The following RTL4 variants were observed in gnomAD, a reference collection of about 807,000 sequenced individuals.
RTL4 encodes retrotransposon Gag-like protein 4.
A neutral mutation model predicts 5.3 loss-of-function variants in RTL4; 4 were observed. That is an observed-to-expected ratio of 0.75 (90% confidence interval 0.37 to 1.72). The LOEUF (loss-of-function observed/expected upper bound fraction) is 1.72, where lower values mean the gene tolerates loss of function less well. RTL4 is among the 40% of genes most tolerant of loss of function. The pLI is 0.04. For synonymous variants in RTL4, 98 were observed against 87.3 expected (o/e 1.12, Z -0.68); for missense variants, 260 against 227.1 (o/e 1.14, Z -0.93).
At chrX:112,279,407 T>C in the RTL4 span, among the ~76,000 whole-genome samples, 33 of 111,257 alleles carry the variant, frequency 3.0e-4, no homozygotes, top group Non-Finnish European at 4.9e-4. Flanking sequence ...CAAAAGAAAA[T>C]GGAGCCATGT....
At chrX:112,207,273 G>A in the RTL4 span, among the ~76,000 whole-genome samples, 3 of 111,457 alleles carry the variant, frequency 2.7e-5, no homozygotes, top group East Asian at 8.5e-4. Flanking sequence ...AGTTCCAGCT[G>A]CATTGTTTTT....
the RTL4 span, among the ~76,000 whole-genome samples, chrX:112,374,559 A>G: frequency 1.8e-5 from 2 of 112,218 alleles, no homozygotes; most frequent in African/African-American, 6.5e-5. Context: ...TCATTGATTT[A>G]TAGATCCATT....
the RTL4 span, among the ~76,000 whole-genome samples, chrX:112,392,976 A>G: frequency 9.1e-6 from 1 of 109,628 alleles, no homozygotes; most frequent in Non-Finnish European, 1.9e-5. Flanking sequence ...TCCTTCTGGG[A>G]GCTCTGTCCC....
the RTL4 span, among the ~76,000 whole-genome samples, chrX:112,208,768 A>G: frequency 1.8e-5 from 2 of 110,963 alleles, no homozygotes; most frequent in African/African-American, 6.8e-5. Flanking sequence ...CCTCAGGAGC[A>G]TAGTTCAACT....
the RTL4 span, among the ~76,000 whole-genome samples, chrX:112,430,270 T>A: frequency 9.0e-6 from 1 of 111,502 alleles, no homozygotes; most frequent in Non-Finnish European, 1.9e-5. Context: ...TTTTTTCAAA[T>A]TGAGAAGTTT....
chrX:112,184,511 C>T, the RTL4 span, among the ~76,000 whole-genome samples: 3 of 111,872 alleles, frequency 2.7e-5, no homozygotes, highest in South Asian at 1.1e-3. Flanking sequence ...ATTTCTAATG[C>T]CCTCACTCCC....
the RTL4 span, among the ~76,000 whole-genome samples, chrX:112,142,789 T>C: frequency 8.9e-6 from 1 of 112,041 alleles, no homozygotes; most frequent in Non-Finnish European, 1.9e-5. Flanking sequence ...TTATGGCTTA[T>C]GTTAGCATAC....
At chrX:112,255,529 G>A in the RTL4 span, among the ~76,000 whole-genome samples, 2 of 111,455 alleles carry the variant, frequency 1.8e-5, no homozygotes, top group African/African-American at 6.5e-5. Flanking sequence ...GGACTGCTGC[G>A]AGGATTACTA....
At chrX:112,244,062 A>C in the RTL4 span, among the ~76,000 whole-genome samples, 1 of 112,152 alleles carries the variant, frequency 8.9e-6, no homozygotes, top group East Asian at 2.8e-4. Flanking sequence ...TCTGAGCAAC[A>C]GTTTGTTGTG....
At chrX:112,360,217 C>A in the RTL4 span, among the ~76,000 whole-genome samples, 2 of 111,114 alleles carry the variant, frequency 1.8e-5, no homozygotes, top group Non-Finnish European at 3.8e-5. Context: ...GATTCCATTT[C>A]TCTAGGTCCT....
the RTL4 span, among the ~76,000 whole-genome samples, chrX:112,351,740 T>G: frequency 9.0e-6 from 1 of 111,001 alleles, no homozygotes; most frequent in African/African-American, 3.3e-5. Context: ...CTCCATCCCT[T>G]TATTTTCAGC....
chrX:112,104,806 C>G, the RTL4 span, among the ~76,000 whole-genome samples: 2 of 111,451 alleles, frequency 1.8e-5, no homozygotes, highest in African/African-American at 6.5e-5. Context: ...AATCCCTTAT[C>G]AGATCCATGG....
the RTL4 span, among the ~76,000 whole-genome samples, chrX:112,241,835 C>G: frequency 8.9e-6 from 1 of 112,155 alleles, no homozygotes; most frequent in Non-Finnish European, 1.9e-5. Flanking sequence ...TTAGGTCTAA[C>G]ATTTAAGTCT....
At chrX:112,160,916 A>G in the RTL4 span, among the ~76,000 whole-genome samples, 6 of 110,905 alleles carry the variant, frequency 5.4e-5, no homozygotes, top group African/African-American at 2.0e-4. Context: ...AAGGTTTAGA[A>G]TGTTAACTGT....
the RTL4 span, among the ~76,000 whole-genome samples, chrX:112,327,584 A>C: frequency 1.8e-5 from 2 of 109,879 alleles, no homozygotes; most frequent in Non-Finnish European, 3.8e-5. Flanking sequence ...AACACTCTGC[A>C]GGATATTATC....
chrX:112,345,360 C>A, the RTL4 span, among the ~76,000 whole-genome samples: 1 of 111,571 alleles, frequency 9.0e-6, no homozygotes, highest in Admixed American at 9.5e-5. Flanking sequence ...GTTGCCTTCA[C>A]TAAGACTGCT....
chrX:112,357,844 A>G, the RTL4 span, among the ~76,000 whole-genome samples: 1 of 111,873 alleles, frequency 8.9e-6, no homozygotes, highest in Non-Finnish European at 1.9e-5. Context: ...GGACCTTTCA[A>G]ACACTGACAT....
At chrX:112,359,039 A>C in the RTL4 span, among the ~76,000 whole-genome samples, 1 of 111,727 alleles carries the variant, frequency 9.0e-6, no homozygotes, top group Non-Finnish European at 1.9e-5. Context: ...CACATAACAA[A>C]TGTCTATCTT....
At chrX:112,144,366 G>T in the RTL4 span, among the ~76,000 whole-genome samples, 1 of 111,523 alleles carries the variant, frequency 9.0e-6, no homozygotes, top group South Asian at 3.8e-4. Context: ...CACCTGGAAG[G>T]CTCGTTAAAA....
Sources: allele counts gnomAD v4.1 joint callset (sites outside exome capture counted in the v4.1 genomes callset), GRCh38; gene constraint gnomAD v4.1.1; transcripts MANE v1.5; gene names NCBI Gene and HGNC (gene_info 2026-07-23, HGNC 2026-07-21).